Variants in BLTP2 observed in about 807,000 individuals in gnomAD.
The protein encoded by BLTP2 is bridge-like lipid transfer protein family member 2, also known as U937-associated antigen.
chr17:28,617,153 G>A, the BLTP2 span: 2 of 1,323,732 alleles, frequency 1.5e-6, no homozygotes, highest in Non-Finnish European at 2.2e-6. Context: ...TTCCATAGTG[G>A]ATTTATACTG....
chr17:28,618,738 A>G, the BLTP2 span: 1 of 1,447,632 alleles, frequency 6.9e-7, no homozygotes, highest in Non-Finnish European at 9.5e-7. Flanking sequence ...CTCCTAAGCT[A>G]GGTCAATGTC....
chr17:28,621,529 C>T, the BLTP2 span: 1 of 1,547,460 alleles, frequency 6.5e-7, no homozygotes, highest in Admixed American at 1.7e-5. Flanking sequence ...AACTTTAGCT[C>T]CTGGGAAAAG....
the BLTP2 span, chr17:28,618,644 T>C: frequency 4.7e-5 from 29 of 610,542 alleles, no homozygotes; most frequent in South Asian, 6.6e-4. Flanking sequence ...TTAATATGAT[T>C]AATGAGCTCG....
At chr17:28,626,006 A>G in the BLTP2 span, among the ~76,000 whole-genome samples, 355 of 152,222 alleles carry the variant, frequency 2.3e-3, 1 homozygote, top group African/African-American at 8.2e-3. Flanking sequence ...CTCGTGATCC[A>G]TCCGCCTCGG....
At chr17:28,633,702 G>A in the BLTP2 span, 2 of 1,613,954 alleles carry the variant, frequency 1.2e-6, no homozygotes, top group East Asian at 4.5e-5. Flanking sequence ...TTAGTGTCCA[G>A]GCTGGATCCC....
At chr17:28,632,014 A>C in the BLTP2 span, 1 of 1,608,474 alleles carries the variant, frequency 6.2e-7, no homozygotes. Context: ...AAGCAGAATA[A>C]AGTGAAGATG....
the BLTP2 span, among the ~76,000 whole-genome samples, chr17:28,618,249 A>G: frequency 1.1e-4 from 16 of 148,664 alleles, no homozygotes; most frequent in Non-Finnish European, 1.3e-4. Flanking sequence ...ATATGTTTTT[A>G]ATTATTTATT....
chr17:28,639,254 G>A, the BLTP2 span: 18 of 1,573,270 alleles, frequency 1.1e-5, no homozygotes, highest in Admixed American at 5.0e-5. Flanking sequence ...TGCCAATTTG[G>A]ACCAAAAGAA....
At chr17:28,645,069 C>T in the BLTP2 span, 1 of 1,585,310 alleles carries the variant, frequency 6.3e-7, no homozygotes. Context: ...AGGTCCGGGT[C>T]CGGCCCGGCT....
At chr17:28,621,371 T>G in the BLTP2 span, 1 of 1,586,588 alleles carries the variant, frequency 6.3e-7, no homozygotes, top group South Asian at 1.1e-5. Flanking sequence ...CTCCTAATCA[T>G]TTGATGCAGA....
chr17:28,643,548 C>T, the BLTP2 span: 1 of 1,527,484 alleles, frequency 6.5e-7, no homozygotes, highest in Admixed American at 1.7e-5. Flanking sequence ...AAGAGTGTCA[C>T]TCTGCAAACA....
chr17:28,620,154 G>C, the BLTP2 span: 1 of 766,758 alleles, frequency 1.3e-6, no homozygotes, highest in East Asian at 2.7e-5. Context: ...AATAGCAACA[G>C]TAGTAGGTCA....
At chr17:28,631,189 G>A in the BLTP2 span, among the ~76,000 whole-genome samples, 6 of 152,240 alleles carry the variant, frequency 3.9e-5, no homozygotes, top group African/African-American at 1.4e-4. Context: ...GACAGAATTA[G>A]TGCTTTTACA....
chr17:28,634,421 G>T, the BLTP2 span: 1 of 1,052,216 alleles, frequency 9.5e-7, no homozygotes, highest in Non-Finnish European at 1.4e-6. Flanking sequence ...AAACGGCACA[G>T]TTCCCAATAT....
the BLTP2 span, chr17:28,616,773 A>C: frequency 6.2e-7 from 1 of 1,613,984 alleles, no homozygotes; most frequent in Non-Finnish European, 8.5e-7. This position sits in a 1 kb window ranked among gnomAD's most constrained non-coding sequence, Gnocchi z 4.8. Flanking sequence ...AAAAAGATTC[A>C]AGAAGCAATT....
At chr17:28,637,286 G>T in the BLTP2 span, 1 of 804,004 alleles carries the variant, frequency 1.2e-6, no homozygotes, top group Non-Finnish European at 2.1e-6. Context: ...GCCTCCCTAA[G>T]TTCATTTCTT....
At chr17:28,617,137 A>C in the BLTP2 span, 1 of 1,227,548 alleles carries the variant, frequency 8.1e-7, no homozygotes, top group Non-Finnish European at 1.2e-6. Flanking sequence ...AGATCACCAC[A>C]TTGTTTTCCA....
At chr17:28,616,289 G>A in the BLTP2 span, 1 of 1,601,710 alleles carries the variant, frequency 6.2e-7, no homozygotes, top group South Asian at 1.1e-5. The surrounding 1 kb of genome is among the most constrained non-coding windows in gnomAD (Gnocchi z 4.8). Context: ...CCCTAGAATG[G>A]ACTTAGAGGA....
the BLTP2 span, chr17:28,628,185 C>T: frequency 8.2e-7 from 1 of 1,220,486 alleles, no homozygotes; most frequent in Non-Finnish European, 1.2e-6. Flanking sequence ...CACCATGACT[C>T]AGTCCTTTTA....
Sources: gnomAD v4.1 joint callset for allele counts (sites outside exome capture counted in the v4.1 genomes callset) on GRCh38, gnomAD v4.1.1 for gene constraint, Gnocchi (gnomAD v3.1) non-coding constraint, MANE v1.5 for transcripts, NCBI Gene and HGNC (gene_info 2026-07-23, HGNC 2026-07-21) for gene names.